The following MAPK8IP3 variants were observed in gnomAD, a reference collection of about 807,000 sequenced individuals.
MAPK8IP3 encodes the protein C-Jun-amino-terminal kinase-interacting protein 3.
A neutral mutation model predicts 157.8 loss-of-function variants in MAPK8IP3; 49 were observed. That is an observed-to-expected ratio of 0.31 (90% CI 0.25 to 0.39). The LOEUF (loss-of-function observed/expected upper bound fraction) is 0.39. Among genes scored for constraint, MAPK8IP3 ranks in the 10% least tolerant of loss-of-function variants. The pLI is 1.00. For missense variants in MAPK8IP3, 1,478 were observed against 1,889.4 expected (o/e 0.78, Z 4.04); for synonymous variants, 897 against 777.7 (o/e 1.15, Z -2.55).
At chr16:1,708,170 C>T (rs924893655) in intron 1 of MAPK8IP3, among the ~76,000 whole-genome samples, 1 of 152,206 alleles carries the variant, frequency 6.6e-6, no homozygotes, top group Non-Finnish European at 1.5e-5. Flanking sequence ...GAAACTTGTC[C>T]TGAGAAGTGG....
rs958992517 is a variant in MAPK8IP3 at position 1,768,910 on chromosome 16, C to T, written c.*86C>T. The T allele has an allele frequency of 2.0e-6, 3 of 1,492,792 alleles. No individual in the cohort carries two copies. The highest frequency in any genetic ancestry group is 4.6e-5 in the East Asian group (2 of 43,256). 92.5% of individuals were successfully genotyped at this position (1,492,792 alleles called of 1,614,324 possible). On this transcript the variant is annotated 3_prime_UTR_variant, in exon 32 of 32. Coordinates refer to ENST00000610761, the MANE Select transcript of MAPK8IP3 (RefSeq NM_001318852.2). ...GGCCCGCGGGGTAGCCAGCCAGGCG[C>T]CGCCGCCCCTCTTCTAACCTCTCAA...
At chr16:1,728,349 A>G (rs1281624215) in intron 2 of MAPK8IP3, among the ~76,000 whole-genome samples, 1 of 152,202 alleles carries the variant, frequency 6.6e-6, no homozygotes, top group Non-Finnish European at 1.5e-5. Flanking sequence ...TTGTTCTGCC[A>G]GACACGACCC....
chr16:1,753,335 G>C (rs895719347), intron 8 of MAPK8IP3, among the ~76,000 whole-genome samples: 2 of 152,154 alleles, frequency 1.3e-5, no homozygotes, highest in Non-Finnish European at 2.9e-5. Flanking sequence ...GCCAGGGCTG[G>C]TCTCAAACTC....
chr16:1,724,590 G>A lies in MAPK8IP3; in HGVS notation c.352G>A (p.Glu118Lys), dbSNP rs1347585988. Residue 118 changes from glutamate (E) to lysine (K), a missense_variant, in exon 2 of 32, where the codon GAG (glutamate) becomes AAG (lysine). By Grantham distance (56) the Glu-to-Lys change is moderately conservative. This residue lies in a region of MAPK8IP3 where 65 missense variants were observed against 161.8 expected (regional missense o/e 0.40). Transcript: ENST00000610761. This position sits in a 1 kb window ranked among gnomAD's most constrained non-coding sequence, Gnocchi z 4.1. ...TGAGTTTGAAGATGCTCTGGAACAA[G>A]AGAAGAAAGAGCTGCAAATCCAGGT... ...FIEFEDALEQEKKELQIQVEH... is the reference protein window; with the variant it reads ...FIEFEDALEQKKKELQIQVEH... 6.2e-7 allele frequency: 1 copy of A among 1,613,614 alleles called. No individual in the cohort carries two copies. Among genetic ancestry groups the A allele is most frequent in the Non-Finnish European group, 8.5e-7 (1 of 1,179,984 alleles).
chr16:1,729,425 G>T, intron 3 of MAPK8IP3, 62 bp from the exon 4 acceptor site: 1 of 1,497,220 alleles, frequency 6.7e-7, no homozygotes. Context: ...AGCCTCACAG[G>T]TTAGAGGGGA....
chr16:1,722,175 C>A (rs1426496873), intron 1 of MAPK8IP3, among the ~76,000 whole-genome samples: 1 of 152,094 alleles, frequency 6.6e-6, no homozygotes, highest in Non-Finnish European at 1.5e-5. Context: ...ATTTTTTGTA[C>A]CGCCGCACAA....
intron 4 of MAPK8IP3, among the ~76,000 whole-genome samples, chr16:1,735,872 C>G (rs1280767234): frequency 3.1e-5 from 4 of 128,132 alleles, no homozygotes; most frequent in African/African-American, 6.1e-5. Context: ...TATGACCGTC[C>G]ATGGAGCATC....
chr16:1,760,032 C>T lies in MAPK8IP3; in HGVS notation c.1304+17C>T, dbSNP rs771441166. ...GGAAACCAAGTAAGAGTGCCCTTCT[C>T]CTGTGTGGTGGGGCTGAGGCAGCCC... On this transcript the variant is annotated intron_variant, in intron 11 of 31. Transcript: ENST00000610761. 3.7e-6 allele frequency: 6 copies of T among 1,613,970 alleles called. No individual in the cohort carries two copies. Among genetic ancestry groups the T allele is most frequent in the Non-Finnish European group, 5.1e-6 (6 of 1,179,890 alleles).
intron 4 of MAPK8IP3, among the ~76,000 whole-genome samples, chr16:1,739,080 C>G (rs142139964): frequency 8.7e-6 from 1 of 114,862 alleles, no homozygotes; most frequent in Non-Finnish European, 1.7e-5. Context: ...GTGAGTGTGA[C>G]CATCCATGTG....
intron 4 of MAPK8IP3, among the ~76,000 whole-genome samples, chr16:1,739,528 TTCCGTGTGACCA>T (rs2040471598): frequency 1.3e-5 from 1 of 76,820 alleles, no homozygotes; most frequent in Non-Finnish European, 2.5e-5. Context: ...CCGTGTGAGC[TTCCGTGTGACCA>T]TCCGTGTGAG....
intron 4 of MAPK8IP3, among the ~76,000 whole-genome samples, chr16:1,738,891 CTG>C (rs1310037247): frequency 7.5e-5 from 9 of 119,704 alleles, no homozygotes; most frequent in Non-Finnish European, 1.0e-4. Flanking sequence ...ATGTGAGCAT[CTG>C]TGTGACCATC....
intron 4 of MAPK8IP3, among the ~76,000 whole-genome samples, chr16:1,738,271 C>T (rs2040221048): frequency 3.0e-5 from 2 of 67,648 alleles, no homozygotes; most frequent in Non-Finnish European, 2.7e-5. Context: ...TGTGACCGTC[C>T]GTGTGAGTGT....
chr16:1,743,827 T>C lies in MAPK8IP3; in HGVS notation c.747+351T>C, dbSNP rs2040818358. The C allele has an allele frequency of 8.7e-7, 1 of 1,151,384 alleles. No individual in the cohort carries two copies. Among genetic ancestry groups the C allele is most frequent in the Non-Finnish European group, 1.1e-6 (1 of 932,966 alleles). 71.3% of individuals were successfully genotyped at this position (1,151,384 alleles called of 1,614,324 possible). A position where few individuals can be genotyped will look rare whatever the true frequency, so the allele number is the denominator to read the frequency against. On this transcript the variant is annotated intron_variant, in intron 5 of 31. Coordinates refer to ENST00000610761, the MANE Select transcript of MAPK8IP3 (RefSeq NM_001318852.2). The surrounding 1 kb of genome is among the most constrained non-coding windows in gnomAD (Gnocchi z 5.6). The stretch of plus-strand genomic sequence containing the variant: ...AACCACACCCCCACATAAAGCCTCA[T>C]GCTCACCCGGGCTCCAGCCAGACAC...
chr16:1,748,832 CT>C (rs745593970), intron 8 of MAPK8IP3, 112 bp downstream of exon 8: 130 of 944,470 alleles, frequency 1.4e-4, no homozygotes, highest in Middle Eastern at 2.1e-4. Context: ...AGCTAGGAAC[CT>C]TTTTTTTTCC....
chr16:1,768,736 C>A lies in MAPK8IP3; in HGVS notation c.3926C>A (p.Ala1309Glu), dbSNP rs2042437567. The part of the protein sequence containing the change: ...DGEDDETEEG[A>E]GDMSQVKPVL... ...GAGGACGACGAGACGGAGGAGGGCG[C>A]AGGGGACATGAGCCAGGTGAAGCCC... is the stretch of plus-strand genomic sequence containing the variant. The change falls in exon 32 of 32, where the codon GCA (alanine) becomes GAA (glutamate). Residue 1309 changes from alanine to glutamate, a missense_variant. By Grantham distance (107) the Ala-to-Glu change is moderately radical. This residue lies in a region of MAPK8IP3 where 133 missense variants were observed against 133.4 expected (regional missense o/e 1.00). Transcript: ENST00000610761. The A allele has an allele frequency of 6.2e-7, 1 of 1,612,758 alleles. No homozygotes were observed. The highest frequency in any genetic ancestry group is 8.5e-7 in the Non-Finnish European group (1 of 1,179,844).
Position 1,767,003 on chromosome 16 carries a change from G to T in MAPK8IP3, c.3088+32G>T, listed in dbSNP as rs201072512. On this transcript the variant is annotated intron_variant, in intron 25 of 31. Transcript: ENST00000610761. ...CCTGGCAGCACGGGGTGTGTGGGTGGCAGCTGATGGCCCTGGCATTGTTTA... is the reference window on the plus strand; with the variant it reads ...CCTGGCAGCACGGGGTGTGTGGGTGTCAGCTGATGGCCCTGGCATTGTTTA... 78 of 1,569,574 alleles carry T rather than the reference G, an allele frequency of 5.0e-5. No homozygotes were observed. In the East Asian group the frequency reaches 1.8e-3, roughly 35 times the overall value.
Position 1,736,522 on chromosome 16 carries a change from G to A in MAPK8IP3, c.603-6810G>A, listed in dbSNP as rs567442632. ...TGTGAGCGTGTGACCGTCCGTGTGT[G>A]ACCGTCCGTGTGAGCATCCGTGTGA... On this transcript the variant is annotated intron_variant, in intron 4 of 31. Transcript: ENST00000610761. Among the ~76,000 whole-genome samples, 36 of 76,226 alleles carry A rather than the reference G, an allele frequency of 4.7e-4. 1 individual carries two copies. The highest frequency in any genetic ancestry group is 2.1e-3 in the African/African-American group (32 of 15,524). The allele number at this position is 76,226 out of a possible 152,430, so 50.0% of individuals were successfully genotyped here. A position where few individuals can be genotyped will look rare whatever the true frequency, so the allele number is the denominator to read the frequency against.
At chr16:1,737,336 G>T (rs1448613188) in intron 4 of MAPK8IP3, among the ~76,000 whole-genome samples, 2 of 108,564 alleles carry the variant, frequency 1.8e-5, no homozygotes, top group African/African-American at 7.8e-5. Flanking sequence ...GAGCATCCGT[G>T]TGAGCGTGAC....
intron 1 of MAPK8IP3, among the ~76,000 whole-genome samples, chr16:1,713,281 G>A (rs763239531): frequency 6.6e-6 from 1 of 152,158 alleles, no homozygotes; most frequent in African/African-American, 2.4e-5. Context: ...ATGAGGTCTC[G>A]CCACGTTGCC....
Sources: allele counts gnomAD v4.1 joint callset (sites outside exome capture counted in the v4.1 genomes callset), GRCh38; gene constraint gnomAD v4.1.1; regional missense constraint gnomAD v4.1.1; non-coding constraint Gnocchi (gnomAD v3.1); transcripts MANE v1.5; gene names NCBI Gene and HGNC (gene_info 2026-07-23, HGNC 2026-07-21).